The following SGK3 variants were observed in gnomAD, a reference collection of about 807,000 sequenced individuals.
The protein encoded by SGK3 is serum/glucocorticoid regulated kinase family member 3.
Under a neutral mutation model 68.5 loss-of-function variants are expected in SGK3, and 47 were observed. The observed-to-expected ratio is 0.69, with a 90% CI of 0.54 to 0.87. The LOEUF (loss-of-function observed/expected upper bound fraction) is 0.87, where lower values mean the gene tolerates loss of function less well. Ranked by LOEUF, SGK3 falls within the 40% of genes least tolerant of loss-of-function variation. The probability of loss-of-function intolerance (pLI) is 0.00; values close to 1 mark genes in which losing one functional copy is unlikely to be tolerated. For missense variants in SGK3, 479 were observed against 575.5 expected (o/e 0.83, Z 1.72); for synonymous variants, 181 against 189.1 (o/e 0.96, Z 0.35).
intron 1 of SGK3, among the ~76,000 whole-genome samples, chr8:66,715,278 G>A (rs913129120): frequency 2.0e-5 from 3 of 149,310 alleles, no homozygotes; most frequent in African/African-American, 7.5e-5. Flanking sequence ...TTTTTTTTGA[G>A]ACAGAGTCTT....
chr8:66,841,218 C>A, intron 13 of SGK3, 108 bp downstream of exon 13: 1 of 900,888 alleles, frequency 1.1e-6, no homozygotes, highest in Non-Finnish European at 1.5e-6. Context: ...TAAAAACTGT[C>A]ATTTCAGCTT....
rs1290731101 is a variant in SGK3, at chr8:66,804,397, T to A, written c.203T>A (p.Met68Lys). The A allele has an allele frequency of 6.2e-7, 1 of 1,611,344 alleles. No individual in the cohort carries two copies. Among genetic ancestry groups the A allele is most frequent in the Non-Finnish European group, 8.5e-7 (1 of 1,179,298 alleles). ...TAGTTAAAAAAACAGTTTCCTGCTATGGCCCTGAAGATTCCTGCCAAGAGA... is the reference window on the plus strand; with the variant it reads ...TAGTTAAAAAAACAGTTTCCTGCTAAGGCCCTGAAGATTCCTGCCAAGAGA... ...YNTLKKQFPAMALKIPAKRIF... is the reference protein window; with the variant it reads ...YNTLKKQFPAKALKIPAKRIF... Residue 68 changes from methionine (M) to lysine (K), a missense_variant, in exon 4 of 17, where the codon ATG becomes AAG. Coordinates refer to ENST00000521198, the MANE Select transcript of SGK3 (RefSeq NM_001033578.3).
rs1436425255 is a variant in SGK3, at chr8:66,831,863, C to A, written c.525+552C>A. Among the ~76,000 whole-genome samples the A allele has an allele frequency of 4.0e-5, 6 of 151,692 alleles. No individual in the cohort carries two copies. In the East Asian group the frequency reaches 1.2e-3, roughly 30 times the overall value. The stretch of plus-strand genomic sequence containing the variant: ...GAACACCTACTGTGTGCCAGATACC[C>A]TTCTGGGCCCTGGTTAGAAAAATTA... On this transcript the variant is annotated intron_variant, in intron 8 of 16. Transcript: ENST00000521198.
At chr8:66,806,374 T>A (rs960126288) in intron 4 of SGK3, among the ~76,000 whole-genome samples, 2 of 152,208 alleles carry the variant, frequency 1.3e-5, no homozygotes, top group Non-Finnish European at 2.9e-5. Context: ...TACTAGGTTT[T>A]AAAGTATTAC....
intron 4 of SGK3, among the ~76,000 whole-genome samples, chr8:66,807,811 A>G (rs1808224906): frequency 6.6e-6 from 1 of 152,216 alleles, no homozygotes; most frequent in Non-Finnish European, 1.5e-5. Context: ...GCTGCATATG[A>G]TATAATGTAC....
chr8:66,759,690 T>C (rs1454416322), intron 1 of SGK3, among the ~76,000 whole-genome samples: 2 of 151,988 alleles, frequency 1.3e-5, no homozygotes, highest in Non-Finnish European at 2.9e-5. Flanking sequence ...TGAGATGGAG[T>C]CTCGCTGTGT....
Position 66,798,600 on chromosome 8 carries a change from C to A in SGK3, c.155C>A (p.Ala52Glu), listed in dbSNP as rs1469668623. Residue 52 changes from alanine to glutamate, a missense_variant, in exon 3 of 17, where the codon GCA becomes GAA. By Grantham distance (107) the Ala-to-Glu change is moderately radical. This residue lies in a region of SGK3 where 298 missense variants were observed against 329.4 expected (regional missense o/e 0.90). Transcript: ENST00000521198. ...GAATGGTTTGTCTTCAGGAGATATG[C>A]AGAGTTTGATAAACTTTATAACACT... ...RSEWFVFRRY[A>E]EFDKLYNTLK... 1.2e-6 allele frequency: 2 copies of A among 1,610,808 alleles called. No individual in the cohort carries two copies. Among genetic ancestry groups the A allele is most frequent in the East Asian group, 4.5e-5 (2 of 44,762 alleles).
At chr8:66,773,855 C>T (rs2130496757) in intron 1 of SGK3, among the ~76,000 whole-genome samples, 1 of 152,236 alleles carries the variant, frequency 6.6e-6, no homozygotes, top group East Asian at 1.9e-4. Flanking sequence ...TAGAATTTTC[C>T]ATTTAATTTT....
intron 1 of SGK3, among the ~76,000 whole-genome samples, chr8:66,765,944 G>A (rs146742563): frequency 0.045 from 6,748 of 151,326 alleles, 200 homozygotes; most frequent in African/African-American, 0.086. Context: ...AGAATGGCAT[G>A]AACCTGGGAG....
chr8:66,754,031 G>A (rs1357934113), intron 1 of SGK3, among the ~76,000 whole-genome samples: 2 of 152,144 alleles, frequency 1.3e-5, no homozygotes, highest in Non-Finnish European at 1.5e-5. Context: ...GAGTCTTTTG[G>A]CAGTGCTGGA....
At chr8:66,749,961 G>GTGTGTGTA (rs1210868266) in intron 1 of SGK3, among the ~76,000 whole-genome samples, 2 of 150,554 alleles carry the variant, frequency 1.3e-5, no homozygotes, top group African/African-American at 4.9e-5. Context: ...GTGTGTGTGT[G>GTGTGTGTA]TGTGTATGTG....
At chr8:66,723,303 G>A (rs1804878614) in intron 1 of SGK3, among the ~76,000 whole-genome samples, 1 of 150,466 alleles carries the variant, frequency 6.6e-6, no homozygotes, top group South Asian at 2.1e-4. Flanking sequence ...ATTTAGCCAG[G>A]CATGGTGGCT....
rs531713356 is a variant in SGK3, at chr8:66,748,502, T to C, written c.-122+35669T>C. On this transcript the variant is annotated intron_variant, in intron 1 of 16. Coordinates refer to ENST00000521198, the MANE Select transcript of SGK3 (RefSeq NM_001033578.3). ...ATTTTTCCTTCTTATGTTAATGCAC[T>C]ATTAATATGCTGGGCTCATCCTGCC... is the stretch of plus-strand genomic sequence containing the variant. Among the ~76,000 whole-genome samples the C allele has an allele frequency of 4.6e-5, 7 of 152,308 alleles. No individual in the cohort carries two copies. In the East Asian group the frequency reaches 1.3e-3, roughly 29 times the overall value.
intron 1 of SGK3, chr8:66,767,946 T>C (rs1261315537): frequency 2.1e-6 from 2 of 953,858 alleles, no homozygotes; most frequent in Non-Finnish European, 3.5e-6. Flanking sequence ...GCCCATCCTT[T>C]GTAGCCACAA....
intron 1 of SGK3, among the ~76,000 whole-genome samples, chr8:66,751,554 A>G (rs962500862): frequency 5.3e-5 from 8 of 152,124 alleles, no homozygotes; most frequent in African/African-American, 1.9e-4. Context: ...AGCACATCTT[A>G]TAATTATGTT....
intron 1 of SGK3, among the ~76,000 whole-genome samples, chr8:66,723,518 A>G (rs763047966): frequency 2.6e-5 from 4 of 152,024 alleles, no homozygotes; most frequent in Non-Finnish European, 5.9e-5. Context: ...ATCTTAACAC[A>G]CTGCAGCCTC....
chr8:66,818,670 T>C (rs1283232744), intron 5 of SGK3, among the ~76,000 whole-genome samples: 1 of 152,230 alleles, frequency 6.6e-6, no homozygotes, highest in African/African-American at 2.4e-5. Flanking sequence ...AATGGAATCA[T>C]ACAATATGTG....
At chr8:66,722,551 C>T (rs950957112) in intron 1 of SGK3, among the ~76,000 whole-genome samples, 55 of 152,216 alleles carry the variant, frequency 3.6e-4, no homozygotes, top group African/African-American at 1.3e-3. Flanking sequence ...GGATTACAGG[C>T]GTGAGCCGCC....
intron 15 of SGK3, among the ~76,000 whole-genome samples, chr8:66,848,678 T>C (rs1810137334): frequency 6.6e-6 from 1 of 152,180 alleles, no homozygotes; most frequent in Non-Finnish European, 1.5e-5. Flanking sequence ...TTTGCACAAA[T>C]AACTGCTCCC....
Sources: allele counts gnomAD v4.1 joint callset (sites outside exome capture counted in the v4.1 genomes callset), GRCh38; gene constraint gnomAD v4.1.1; regional missense constraint gnomAD v4.1.1; transcripts MANE v1.5; gene names NCBI Gene and HGNC (gene_info 2026-07-23, HGNC 2026-07-21).